Variants in SEC11A observed in about 807,000 individuals in gnomAD.
SEC11A encodes the protein signal peptidase complex catalytic subunit SEC11A.
In SEC11A, 14 loss-of-function variants were observed where a neutral mutation model predicts 25.6. The ratio of observed to expected loss-of-function variants is 0.55; its 90% CI spans 0.36 to 0.85. The LOEUF is 0.85. SEC11A is among the 40% of genes least tolerant of loss of function. The probability of loss-of-function intolerance (pLI) is 0.01; values close to 1 mark genes in which losing one functional copy is unlikely to be tolerated. For synonymous variants in SEC11A, 83 were observed against 76.4 expected, an observed-to-expected ratio of 1.09 and a Z score of -0.45; for missense variants, 153 against 222.9, an observed-to-expected ratio of 0.69 and a Z score of 2.00.
At chr15:84,674,214 T>C (rs1176843768) in intron 4 of SEC11A, among the ~76,000 whole-genome samples, 1 of 150,326 alleles carries the variant, frequency 6.7e-6, no homozygotes, top group East Asian at 1.9e-4. Context: ...ACATTTTATA[T>C]ATATTTATAT....
intron 1 of SEC11A, among the ~76,000 whole-genome samples, chr15:84,703,692 T>G (rs1039900712): frequency 3.3e-5 from 5 of 152,180 alleles, no homozygotes; most frequent in African/African-American, 1.2e-4. Context: ...TAGATTTACA[T>G]TGATTCAAAA....
intron 1 of SEC11A, among the ~76,000 whole-genome samples, chr15:84,699,837 CAG>C (rs1367727568): frequency 6.6e-6 from 1 of 151,950 alleles, no homozygotes; most frequent in Non-Finnish European, 1.5e-5. Flanking sequence ...AAGCAATGAT[CAG>C]TGCATGCATG....
intron 3 of SEC11A, among the ~76,000 whole-genome samples, chr15:84,683,706 G>C (rs1229701234): frequency 6.6e-6 from 1 of 152,030 alleles, no homozygotes; most frequent in Non-Finnish European, 1.5e-5. Context: ...TGTATTATTA[G>C]TAGAGACAGG....
Position 84,677,831 on chromosome 15 carries a change from C to T in SEC11A, c.431+2882G>A, listed in dbSNP as rs188992895. Among the ~76,000 whole-genome samples the T allele has an allele frequency of 6.6e-5, 10 of 152,192 alleles. No individual in the cohort carries two copies. The East Asian group carries it at 1.5e-3, about 23-fold the overall frequency. Reference sequence around the variant, plus strand: ...TTGAGTGAAAGCTCCCCTAACCTTTCGTAGGATGATGCATCTTTTACCCAA... The same window carrying T: ...TTGAGTGAAAGCTCCCCTAACCTTTTGTAGGATGATGCATCTTTTACCCAA... On this transcript the variant is annotated intron_variant, in intron 4 of 5. Coordinates refer to ENST00000268220, the MANE Select transcript of SEC11A (RefSeq NM_014300.4).
At chr15:84,672,856 G>A in intron 4 of SEC11A, 1 of 208,220 alleles carries the variant, frequency 4.8e-6, no homozygotes, top group Non-Finnish European at 9.9e-6. Flanking sequence ...CTGAGATGTG[G>A]GAAGCGCCTC....
At chr15:84,678,121 T>C (rs1316900579) in intron 4 of SEC11A, among the ~76,000 whole-genome samples, 1 of 151,978 alleles carries the variant, frequency 6.6e-6, no homozygotes, top group African/African-American at 2.4e-5. Flanking sequence ...CATTTGAACC[T>C]GAGAGGCAGA....
chr15:84,700,223 G>C (rs779879661), intron 1 of SEC11A, among the ~76,000 whole-genome samples: 4 of 151,204 alleles, frequency 2.6e-5, no homozygotes, highest in Non-Finnish European at 4.4e-5. Context: ...ATGCAAAGAG[G>C]CAAGAAAATA....
intron 1 of SEC11A, among the ~76,000 whole-genome samples, chr15:84,693,758 G>A (rs1306190139): frequency 2.0e-5 from 3 of 152,206 alleles, no homozygotes; most frequent in Middle Eastern, 3.4e-3. Flanking sequence ...ACTGTACCCG[G>A]CCTCTAATTT....
intron 2 of SEC11A, among the ~76,000 whole-genome samples, chr15:84,689,892 GCCA>G (rs1425104436): frequency 2.0e-5 from 3 of 152,128 alleles, no homozygotes; most frequent in African/African-American, 4.8e-5. Flanking sequence ...ACAGGTGTGA[GCCA>G]CCACACCCAG....
intron 4 of SEC11A, among the ~76,000 whole-genome samples, chr15:84,677,728 C>T (rs544230946): frequency 2.6e-5 from 4 of 152,208 alleles, no homozygotes; most frequent in South Asian, 4.1e-4. Context: ...CCGCCTCAGC[C>T]GCCCAAAGTG....
At chr15:84,700,984 CAAAAAAAAAAA>C (rs57015135) in intron 1 of SEC11A, among the ~76,000 whole-genome samples, 7 of 78,034 alleles carry the variant, frequency 9.0e-5, no homozygotes, top group Non-Finnish European at 1.2e-4. Context: ...AACTCCATAT[CAAAAAAAAAAA>C]AAAAAAAAAA....
intron 4 of SEC11A, 32 bp from the exon 5 acceptor site, chr15:84,670,814 A>G: frequency 9.2e-7 from 1 of 1,089,606 alleles, no homozygotes; most frequent in Non-Finnish European, 1.3e-6. Flanking sequence ...TTATCACAGA[A>G]TTTCCGATGT....
At chr15:84,712,511 G>A (rs189687286) in intron 1 of SEC11A, among the ~76,000 whole-genome samples, 3 of 149,012 alleles carry the variant, frequency 2.0e-5, no homozygotes, top group Admixed American at 6.8e-5. Flanking sequence ...GCAGTGGTGC[G>A]ATCTGGGCTC....
At chr15:84,699,784 A>G (rs1897874690) in intron 1 of SEC11A, among the ~76,000 whole-genome samples, 1 of 150,464 alleles carries the variant, frequency 6.6e-6, no homozygotes, top group Non-Finnish European at 1.5e-5. Flanking sequence ...AAAAACAAAG[A>G]CACACACACA....
intron 4 of SEC11A, among the ~76,000 whole-genome samples, chr15:84,679,050 G>A (rs1031980658): frequency 6.6e-6 from 1 of 150,904 alleles, no homozygotes; most frequent in Non-Finnish European, 1.5e-5. Context: ...TACACACAAA[G>A]GCTAATATAA....
chr15:84,711,188 C>A (rs115010019), intron 1 of SEC11A, among the ~76,000 whole-genome samples: 164 of 152,054 alleles, frequency 1.1e-3, no homozygotes, highest in African/African-American at 3.8e-3. Flanking sequence ...TCACAACCAG[C>A]CTGGGCAACC....
chr15:84,683,212 G>C (rs942302812), intron 3 of SEC11A, among the ~76,000 whole-genome samples: 1 of 152,152 alleles, frequency 6.6e-6, no homozygotes, highest in African/African-American at 2.4e-5. Context: ...TGAAAGTCAG[G>C]AACAGCAGGA....
intron 1 of SEC11A, among the ~76,000 whole-genome samples, chr15:84,708,833 TTAAGA>T (rs1321312698): frequency 1.3e-5 from 2 of 151,982 alleles, no homozygotes; most frequent in Non-Finnish European, 2.9e-5. Flanking sequence ...CTAGAAATCG[TTAAGA>T]TATCACTGCA....
intron 1 of SEC11A, among the ~76,000 whole-genome samples, chr15:84,697,469 A>G (rs1350465299): frequency 1.3e-5 from 2 of 152,152 alleles, no homozygotes; most frequent in African/African-American, 4.8e-5. Flanking sequence ...AAAGTTCCTG[A>G]TTATGTATAA....
Sources: gnomAD v4.1 joint callset for allele counts (sites outside exome capture counted in the v4.1 genomes callset) on GRCh38, gnomAD v4.1.1 for gene constraint, MANE v1.5 for transcripts, NCBI Gene and HGNC (gene_info 2026-07-23, HGNC 2026-07-21) for gene names.